Variants in CSPP1 observed in about 807,000 individuals in gnomAD.
The protein encoded by CSPP1 is centrosome and spindle pole-associated protein 1.
CSPP1 carries 126 observed loss-of-function variants against 164.4 expected under a neutral mutation model. The ratio of observed to expected loss-of-function variants is 0.77; its 90% CI spans 0.66 to 0.89. The LOEUF is 0.89. Among genes scored for constraint, CSPP1 ranks in the 40% least tolerant of loss-of-function variants. CSPP1 has a pLI of 0.00. For synonymous variants in CSPP1, 472 were observed against 476.7 expected, an observed-to-expected ratio of 0.99 and a Z score of 0.13; for missense variants, 1,395 against 1,449.8, an observed-to-expected ratio of 0.96 and a Z score of 0.61.
intron 15 of CSPP1, among the ~76,000 whole-genome samples, chr8:67,131,319 C>A (rs902702136): frequency 6.6e-6 from 1 of 151,960 alleles, no homozygotes; most frequent in Non-Finnish European, 1.5e-5. Flanking sequence ...TCCAGGAGAT[C>A]AAGGCTGCAG....
chr8:67,133,744 C>T (rs987494850), intron 16 of CSPP1: 1 of 152,238 alleles, frequency 6.6e-6, no homozygotes, highest in African/African-American at 2.4e-5. Flanking sequence ...ATTTTATCCA[C>T]AGTAGACCTT....
chr8:67,071,647 T>C (rs1052404563), intron 1 of CSPP1, among the ~76,000 whole-genome samples: 48 of 152,380 alleles, frequency 3.2e-4, no homozygotes, highest in African/African-American at 1.1e-3. Flanking sequence ...CAACTTGCTC[T>C]GACTTACTTC....
Position 67,115,902 on chromosome 8 carries a change from T to G in CSPP1, c.1288-12T>G. The G allele has an allele frequency of 6.2e-7, 1 of 1,607,714 alleles. No individual in the cohort carries two copies. The highest frequency in any genetic ancestry group is 8.5e-7 in the Non-Finnish European group (1 of 1,174,502). Reference sequence around the variant, plus strand: ...TTATATGTAACAAACAGATTTTTTTTCTTTATTTTAGCCTGATAGACTAAA... The same window carrying G: ...TTATATGTAACAAACAGATTTTTTTGCTTTATTTTAGCCTGATAGACTAAA... On this transcript the variant is annotated splice_polypyrimidine_tract_variant and intron_variant, in intron 12 of 30. Transcript: ENST00000678616.
chr8:67,196,593 A>C lies in CSPP1; in HGVS notation c.*1000A>C, dbSNP rs1837985108. 6.6e-6 allele frequency among the ~76,000 whole-genome samples: 1 copy of C among 152,166 alleles called. No homozygotes were observed. The highest frequency in any genetic ancestry group is 2.1e-4 in the South Asian group (1 of 4,832). On this transcript the variant is annotated 3_prime_UTR_variant, in exon 31 of 31. Transcript: ENST00000678616. ...AGACAATATCAGACAAATTTGCCAC[A>C]ATTAAATTACTGATATTTTGAGTTT...
intron 1 of CSPP1, among the ~76,000 whole-genome samples, chr8:67,065,921 C>G (rs1349403312): frequency 2.6e-5 from 4 of 152,118 alleles, no homozygotes; most frequent in African/African-American, 9.7e-5. Context: ...TACAGTTTTT[C>G]TCAGATGAAG....
chr8:67,181,796 A>C (rs776174158), intron 28 of CSPP1, among the ~76,000 whole-genome samples: 8 of 152,190 alleles, frequency 5.3e-5, no homozygotes, highest in Non-Finnish European at 1.2e-4. Flanking sequence ...TCTTGAAAAT[A>C]GAAACTCTTC....
At chr8:67,175,588 A>AGTTC (rs1831424285) in intron 26 of CSPP1, 152 bp downstream of exon 26, 2 of 853,644 alleles carry the variant, frequency 2.3e-6, no homozygotes, top group Non-Finnish European at 3.9e-6. Context: ...GTACCAGAAA[A>AGTTC]GAACAAGTAT....
At chr8:67,188,613 T>C (rs569950045) in intron 28 of CSPP1, among the ~76,000 whole-genome samples, 2 of 152,344 alleles carry the variant, frequency 1.3e-5, no homozygotes, top group South Asian at 4.1e-4. Flanking sequence ...CATGCTCTTC[T>C]GGTCCATGTT....
chr8:67,086,325 T>A, intron 4 of CSPP1: 1 of 596,252 alleles, frequency 1.7e-6, no homozygotes, highest in Non-Finnish European at 3.1e-6. Flanking sequence ...CTTTTGACCT[T>A]TTGACTAAGG....
rs577725801 is a variant in CSPP1 at position 67,140,141 on chromosome 8, A to G, written c.1975+2538A>G. 4.6e-5 allele frequency among the ~76,000 whole-genome samples: 7 copies of G among 152,082 alleles called. No homozygotes were observed. The South Asian group carries it at 1.0e-3, about 23-fold the overall frequency. ...ACTCTGTCACCCAGGCTGGAGTGCAATGGCACCATCTTGGCTCACTGCAAC... is the reference window on the plus strand; with the variant it reads ...ACTCTGTCACCCAGGCTGGAGTGCAGTGGCACCATCTTGGCTCACTGCAAC... On this transcript the variant is annotated intron_variant, in intron 17 of 30. Transcript: ENST00000678616.
chr8:67,111,931 CTTAAGAG>C (rs761933785), intron 9 of CSPP1, 34 bp from the exon 10 acceptor site: 3 of 1,259,728 alleles, frequency 2.4e-6, no homozygotes, highest in Non-Finnish European at 3.4e-6. Flanking sequence ...GCATACGATG[CTTAAGAG>C]TTAAGATTGT....
intron 28 of CSPP1, among the ~76,000 whole-genome samples, chr8:67,188,273 TGA>T (rs1419188474): frequency 2.0e-5 from 3 of 152,330 alleles, no homozygotes; most frequent in Middle Eastern, 3.4e-3. Flanking sequence ...AGGATGCTAC[TGA>T]GAGACAGGAC....
At chr8:67,098,260 AT>A (rs1813252483) in intron 7 of CSPP1, among the ~76,000 whole-genome samples, 2 of 148,956 alleles carry the variant, frequency 1.3e-5, no homozygotes, top group African/African-American at 4.9e-5. Context: ...TGCACAGTTA[AT>A]TTTCCTTCAT....
rs771867162 is a variant in CSPP1, at chr8:67,158,428, A to T, written c.2242-19A>T. ...TTTCAATAGTTTTACAAGATAAATA[A>T]CTAAGTTTAATTCTTTAGATTGAGG... On this transcript the variant is annotated intron_variant, in intron 19 of 30. Coordinates refer to ENST00000678616, the MANE Select transcript of CSPP1 (RefSeq NM_001382391.1). 62 of 1,551,798 alleles carry T rather than the reference A, an allele frequency of 4.0e-5. No individual in the cohort carries two copies. The highest frequency in any genetic ancestry group is 5.4e-5 in the Non-Finnish European group (62 of 1,146,386).
At chr8:67,170,431 G>A (rs1238417365) in intron 24 of CSPP1, among the ~76,000 whole-genome samples, 1 of 152,060 alleles carries the variant, frequency 6.6e-6, no homozygotes, top group Non-Finnish European at 1.5e-5. Flanking sequence ...ATTCCAGCCT[G>A]GGCAACAGAG....
chr8:67,078,510 A>G (rs1808426820), intron 3 of CSPP1, among the ~76,000 whole-genome samples: 2 of 151,918 alleles, frequency 1.3e-5, no homozygotes, highest in Admixed American at 1.3e-4. Flanking sequence ...ATGCTGGCTA[A>G]CTTTTTTTTA....
intron 17 of CSPP1, among the ~76,000 whole-genome samples, chr8:67,138,337 A>G (rs1468378967): frequency 6.6e-6 from 1 of 152,208 alleles, no homozygotes; most frequent in African/African-American, 2.4e-5. Flanking sequence ...ATCTTCCTGT[A>G]TACTTTAAGT....
chr8:67,070,621 C>T (rs1033089921), intron 1 of CSPP1, among the ~76,000 whole-genome samples: 7 of 151,336 alleles, frequency 4.6e-5, no homozygotes, highest in East Asian at 1.9e-4. Flanking sequence ...GGCAGCAGAG[C>T]GAGACCTCAT....
chr8:67,171,965 A>G (rs990244642), intron 24 of CSPP1, among the ~76,000 whole-genome samples: 1 of 151,862 alleles, frequency 6.6e-6, no homozygotes, highest in African/African-American at 2.4e-5. Context: ...CTGCTGCCTC[A>G]GCCTCCCGAG....
Sources: gnomAD v4.1 joint callset for allele counts (sites outside exome capture counted in the v4.1 genomes callset) on GRCh38, gnomAD v4.1.1 for gene constraint, MANE v1.5 for transcripts, NCBI Gene and HGNC (gene_info 2026-07-23, HGNC 2026-07-21) for gene names.